The following MMP16 variants were observed in gnomAD, a reference collection of about 807,000 sequenced individuals.
MMP16 encodes matrix metallopeptidase 16, also known as matrix metalloproteinase-16.
MMP16 carries 12 observed loss-of-function variants against 67.8 expected under a neutral mutation model. The observed-to-expected ratio is 0.18, with a 90% CI of 0.11 to 0.29. The LOEUF (loss-of-function observed/expected upper bound fraction) is 0.29. Among genes scored for constraint, MMP16 ranks in the 10% least tolerant of loss-of-function variants. MMP16 has a pLI of 1.00. For synonymous variants in MMP16, 249 were observed against 255.9 expected, an observed-to-expected ratio of 0.97 and a Z score of 0.26; for missense variants, 475 against 765.7, an observed-to-expected ratio of 0.62 and a Z score of 4.48.
At chr8:88,091,544 T>C (rs1808936216) in intron 6 of MMP16, among the ~76,000 whole-genome samples, 1 of 150,834 alleles carries the variant, frequency 6.6e-6, no homozygotes, top group Non-Finnish European at 1.5e-5. Flanking sequence ...AGGTGACTAA[T>C]TCATTTACAC....
intron 2 of MMP16, among the ~76,000 whole-genome samples, chr8:88,188,230 G>A (rs1809103985): frequency 6.6e-6 from 1 of 152,130 alleles, no homozygotes; most frequent in South Asian, 2.1e-4. Context: ...TGTATTAATG[G>A]TGTGCCTACG....
At chr8:88,136,910 C>T (rs1178600901) in intron 4 of MMP16, among the ~76,000 whole-genome samples, 2 of 151,808 alleles carry the variant, frequency 1.3e-5, no homozygotes, top group East Asian at 3.9e-4. Context: ...GTTCAACAGA[C>T]ATGCATATAT....
intron 1 of MMP16, among the ~76,000 whole-genome samples, chr8:88,209,672 ACTCT>A (rs1376559700): frequency 3.2e-4 from 3 of 9,390 alleles, no homozygotes; most frequent in African/African-American, 5.8e-4. Flanking sequence ...TATGTATTCT[ACTCT>A]CTCTATGTAT....
intron 2 of MMP16, among the ~76,000 whole-genome samples, chr8:88,192,719 T>C (rs1809190045): frequency 2.0e-5 from 3 of 152,234 alleles, no homozygotes. Flanking sequence ...TTGGGGTTCT[T>C]GGTACATCTA....
At chr8:88,280,135 C>A (rs576983077) in intron 1 of MMP16, among the ~76,000 whole-genome samples, 1 of 152,160 alleles carries the variant, frequency 6.6e-6, no homozygotes, top group African/African-American at 2.4e-5. Flanking sequence ...AAACACTGAA[C>A]TGCATCTGTT....
intron 8 of MMP16, among the ~76,000 whole-genome samples, chr8:88,052,536 G>C (rs1213361390): frequency 6.6e-6 from 1 of 152,120 alleles, no homozygotes; most frequent in Non-Finnish European, 1.5e-5. Context: ...CACAATCTGT[G>C]TGAATACACA....
chr8:88,058,232 C>A lies in MMP16; in HGVS notation c.1223-1954G>T, dbSNP rs1808355770. Among the ~76,000 whole-genome samples the A allele has an allele frequency of 6.6e-6, 1 of 151,968 alleles. No homozygotes were observed. The highest frequency in any genetic ancestry group is 2.1e-4 in the South Asian group (1 of 4,824). ...AATCTTACTTAGAGTGTACTGGAGG[C>A]CATCAAGGAGATTAAGTTTGTGTTG... On this transcript the variant is annotated intron_variant, in intron 7 of 9. Coordinates refer to ENST00000286614, the MANE Select transcript of MMP16 (RefSeq NM_005941.5). The surrounding 1 kb of genome is among the most constrained non-coding windows in gnomAD (Gnocchi z 4.2).
At chr8:88,175,036 G>C (rs913728691) in intron 3 of MMP16, among the ~76,000 whole-genome samples, 2 of 152,118 alleles carry the variant, frequency 1.3e-5, no homozygotes, top group South Asian at 4.1e-4. Flanking sequence ...TTACAGGTGT[G>C]AGCCACTGTG....
chr8:88,052,865 CAAGTCAACCCT>C (rs1398519858), intron 8 of MMP16, among the ~76,000 whole-genome samples: 1 of 152,188 alleles, frequency 6.6e-6, no homozygotes, highest in African/African-American at 2.4e-5. Context: ...GGCCTTCTCC[CAAGTCAACCCT>C]AAGTCCCAAC....
At chr8:88,274,977 A>C (rs1216590059) in intron 1 of MMP16, among the ~76,000 whole-genome samples, 2 of 151,274 alleles carry the variant, frequency 1.3e-5, no homozygotes, top group African/African-American at 2.4e-5. Context: ...ACATTCATGC[A>C]TCATTACCCA....
chr8:88,288,834 C>T (rs1292890957), intron 1 of MMP16, among the ~76,000 whole-genome samples: 2 of 152,148 alleles, frequency 1.3e-5, no homozygotes, highest in African/African-American at 2.4e-5. Flanking sequence ...TTTACTCATT[C>T]ACTCTTCTCT....
At chr8:88,061,176 C>T (rs1697582097) in intron 7 of MMP16, among the ~76,000 whole-genome samples, 4 of 149,116 alleles carry the variant, frequency 2.7e-5, no homozygotes, top group Admixed American at 2.7e-4. Context: ...ACACACCCCT[C>T]ATCCTAAAGG....
At chr8:88,234,149 C>T (rs1189622018) in intron 1 of MMP16, among the ~76,000 whole-genome samples, 1 of 152,156 alleles carries the variant, frequency 6.6e-6, no homozygotes, top group Non-Finnish European at 1.5e-5. Flanking sequence ...AAAAACCATA[C>T]ATCACTTAAG....
intron 1 of MMP16, among the ~76,000 whole-genome samples, chr8:88,200,928 C>T (rs1264247182): frequency 6.6e-6 from 1 of 151,736 alleles, no homozygotes; most frequent in African/African-American, 2.4e-5. Flanking sequence ...TTCCTTCAGG[C>T]CAATACTACA....
intron 1 of MMP16, among the ~76,000 whole-genome samples, chr8:88,254,889 A>G (rs563605632): frequency 2.6e-4 from 39 of 152,304 alleles, no homozygotes; most frequent in Admixed American, 1.9e-3. Context: ...ATTGTGACAA[A>G]TGTGCTACAT....
chr8:88,111,620 T>A (rs1320085542), intron 6 of MMP16, among the ~76,000 whole-genome samples: 1 of 151,712 alleles, frequency 6.6e-6, no homozygotes, highest in Non-Finnish European at 1.5e-5. Context: ...TTTATTCAAG[T>A]CAGTTATTGA....
At chr8:88,060,514 G>A (rs575647823) in intron 7 of MMP16, among the ~76,000 whole-genome samples, 1 of 152,192 alleles carries the variant, frequency 6.6e-6, no homozygotes, top group East Asian at 1.9e-4. Flanking sequence ...GTTCCTTTCA[G>A]TACGGGTGTC....
chr8:88,267,785 CAAAT>C lies in MMP16; in HGVS notation c.132+59286_132+59289del, dbSNP rs1042382585. Among the ~76,000 whole-genome samples, 8 of 152,092 alleles carry C rather than the reference CAAAT, an allele frequency of 5.3e-5. No homozygotes were observed. In the East Asian group the frequency reaches 7.7e-4, roughly 15 times the overall value. On this transcript the variant is annotated intron_variant, in intron 1 of 9. Coordinates refer to ENST00000286614, the MANE Select transcript of MMP16 (RefSeq NM_005941.5). ...GAGTATTCTCATAATTGTTTATTAA[CAAAT>C]AAGTAAGAAGTTGAGAATATAGAAA...
intron 1 of MMP16, among the ~76,000 whole-genome samples, chr8:88,266,267 T>A (rs920845381): frequency 6.6e-6 from 1 of 152,196 alleles, no homozygotes; most frequent in Non-Finnish European, 1.5e-5. Flanking sequence ...TATTCTGTCA[T>A]CTGTAACTAT....
Sources: allele counts gnomAD v4.1 joint callset (sites outside exome capture counted in the v4.1 genomes callset), GRCh38; gene constraint gnomAD v4.1.1; non-coding constraint Gnocchi (gnomAD v3.1); transcripts MANE v1.5; gene names NCBI Gene and HGNC (gene_info 2026-07-23, HGNC 2026-07-21).